Variants in AKR1B15 observed in about 807,000 individuals in gnomAD.
AKR1B15 encodes the protein estradiol 17-beta-dehydrogenase AKR1B15.
AKR1B15 carries 49 observed loss-of-function variants against 38.5 expected under a neutral mutation model. That is an observed-to-expected ratio of 1.27 (90% CI 1.01 to 1.62). The LOEUF is 1.62. Among genes scored for constraint, AKR1B15 ranks in the 40% most tolerant of loss-of-function variants. AKR1B15 has a pLI of 0.00. For missense variants in AKR1B15, 411 were observed against 381.6 expected (o/e 1.08, Z -0.64); for synonymous variants, 137 against 135.5 (o/e 1.01, Z -0.08).
intron 5 of AKR1B15, chr7:134,570,507 G>C (rs1794646188): frequency 6.6e-6 from 1 of 152,128 alleles, no homozygotes; most frequent in African/African-American, 2.4e-5. Context: ...GCCGAAACGT[G>C]ATGTCTCCCC....
intron 10 of AKR1B15, among the ~76,000 whole-genome samples, chr7:134,577,332 T>C (rs1255401363): frequency 1.3e-5 from 2 of 152,176 alleles, no homozygotes; most frequent in African/African-American, 4.8e-5. Context: ...AGCTAGGCCC[T>C]AGGCCATACA....
chr7:134,577,156 C>A, intron 10 of AKR1B15, 110 bp downstream of exon 10: 1 of 1,112,398 alleles, frequency 9.0e-7, no homozygotes, highest in Non-Finnish European at 1.3e-6. Context: ...CCCCCTCCTT[C>A]CCCACCACCC....
At chr7:134,553,274 G>A (rs897075822) in intron 1 of AKR1B15, among the ~76,000 whole-genome samples, 5 of 152,196 alleles carry the variant, frequency 3.3e-5, no homozygotes, top group African/African-American at 9.7e-5. Context: ...GGAATACCCC[G>A]CTGGTTTGGA....
rs1371126128 is a variant in AKR1B15, at chr7:134,568,241, G to A, written c.234G>A (p.Glu78=). The A allele has an allele frequency of 6.2e-7, 1 of 1,614,008 alleles. No homozygotes were observed. The highest frequency in any genetic ancestry group is 1.7e-5 in the Admixed American group (1 of 60,000). ...YRHIDCAYFY[E]NQHEVGEAIQ... ...ACATTGACTGTGCCTATTTCTATGA[G>A]AATCAACATGAGGTGGGAGAAGCCA... The change falls in exon 4 of 12, where the codon GAG becomes GAA. Residue 78 remains glutamate, a synonymous_variant. Transcript: ENST00000457545.
intron 2 of AKR1B15, among the ~76,000 whole-genome samples, chr7:134,563,590 G>C (rs1450663850): frequency 6.6e-6 from 1 of 152,198 alleles, no homozygotes; most frequent in Non-Finnish European, 1.5e-5. Flanking sequence ...AAGCCACCTG[G>C]ACTTCCTGGG....
chr7:134,566,498 A>T (rs917231403), intron 3 of AKR1B15, among the ~76,000 whole-genome samples: 1 of 152,194 alleles, frequency 6.6e-6, no homozygotes, highest in African/African-American at 2.4e-5. Context: ...GCTAAGGCAC[A>T]TTGAGGACTC....
chr7:134,552,871 T>C (rs1794036546), intron 1 of AKR1B15, among the ~76,000 whole-genome samples: 1 of 152,146 alleles, frequency 6.6e-6, no homozygotes, highest in Non-Finnish European at 1.5e-5. Context: ...CCCACCCTTT[T>C]TAGGGAAGCC....
intron 1 of AKR1B15, among the ~76,000 whole-genome samples, chr7:134,551,801 C>A (rs1407460148): frequency 6.6e-6 from 1 of 152,144 alleles, no homozygotes; most frequent in African/African-American, 2.4e-5. Flanking sequence ...GTGCTTCTTG[C>A]AAGCAGATTG....
At chr7:134,556,374 G>C (rs940809190) in intron 1 of AKR1B15, among the ~76,000 whole-genome samples, 1 of 152,098 alleles carries the variant, frequency 6.6e-6, no homozygotes, top group Non-Finnish European at 1.5e-5. Context: ...ATATTATGTT[G>C]GATTAGGAGT....
intron 11 of AKR1B15, among the ~76,000 whole-genome samples, chr7:134,579,303 G>T (rs1453104597): frequency 6.6e-6 from 1 of 152,060 alleles, no homozygotes; most frequent in Non-Finnish European, 1.5e-5. Flanking sequence ...CTGCTGCCCT[G>T]CTCACTGTCT....
chr7:134,579,767 C>A lies in AKR1B15; in HGVS notation c.*218C>A, dbSNP rs1357037077. ...AAGCATGGCCTGAATAAGCAAATGA[C>A]AATTTTTTCCACTTATCTGATCTGA... On this transcript the variant is annotated 3_prime_UTR_variant, in exon 12 of 12. Coordinates refer to ENST00000457545, the MANE Select transcript of AKR1B15 (RefSeq NM_001080538.3). 12 of 492,968 alleles carry A rather than the reference C, an allele frequency of 2.4e-5. No individual in the cohort carries two copies. In the East Asian group the frequency reaches 3.9e-4, roughly 16 times the overall value. 30.5% of individuals were successfully genotyped at this position (492,968 alleles called of 1,614,324 possible). A position where few individuals can be genotyped will look rare whatever the true frequency, so the allele number is the denominator to read the frequency against.
intron 5 of AKR1B15, 30 bp downstream of exon 5, chr7:134,569,559 G>A (rs1446673827): frequency 6.2e-7 from 1 of 1,611,058 alleles, no homozygotes; most frequent in African/African-American, 1.3e-5. Context: ...TCAGCCTCTA[G>A]TTTCTGAGCT....
At chr7:134,557,577 C>T (rs899257872) in intron 2 of AKR1B15, among the ~76,000 whole-genome samples, 27 of 151,578 alleles carry the variant, frequency 1.8e-4, no homozygotes, top group African/African-American at 6.1e-4. Context: ...TGGGAACGCA[C>T]TCGGTTGACG....
rs769130202 is a variant in AKR1B15, at chr7:134,575,505, A to G, written c.599A>G (p.Asn200Ser). The G allele has an allele frequency of 3.1e-6, 5 of 1,613,930 alleles. No homozygotes were observed. The highest frequency in any genetic ancestry group is 4.2e-6 in the Non-Finnish European group (5 of 1,179,830). ...FNHFQIERLL[N>S]KPGLKYKPVT... ...CACTTCCAGATCGAGAGGCTCTTGA[A>G]CAAACCTGGACTGAAATATAAACCA... The change falls in exon 7 of 12, where the codon AAC becomes AGC. Residue 200 changes from asparagine to serine, a missense_variant. Asn to Ser is a conservative substitution (Grantham distance 46). Around this residue, in one of 3 missense-constraint regions of AKR1B15, gnomAD observed 254 missense variants for 212.4 expected, o/e 1.20. Coordinates refer to ENST00000457545, the MANE Select transcript of AKR1B15 (RefSeq NM_001080538.3).
intron 3 of AKR1B15, 165 bp downstream of exon 3, chr7:134,564,934 G>A: frequency 2.1e-6 from 1 of 466,480 alleles, no homozygotes; most frequent in South Asian, 3.7e-5. Flanking sequence ...TCAGTGCTCT[G>A]TGTCTAGCTA....
chr7:134,565,169 G>A (rs1009458807), intron 3 of AKR1B15: 7 of 350,872 alleles, frequency 2.0e-5, no homozygotes, highest in South Asian at 4.7e-5. Flanking sequence ...CCCTCTTGAC[G>A]AAAAATCTTG....
At chr7:134,567,445 T>C (rs768252489) in intron 3 of AKR1B15, among the ~76,000 whole-genome samples, 9 of 152,168 alleles carry the variant, frequency 5.9e-5, no homozygotes, top group Non-Finnish European at 1.2e-4. Flanking sequence ...AAAATGATCA[T>C]TGTATAATGG....
At chr7:134,575,391 T>G (rs1362390622) in intron 6 of AKR1B15, 29 bp from the exon 7 acceptor site, 2 of 1,612,272 alleles carry the variant, frequency 1.2e-6, no homozygotes, top group Non-Finnish European at 1.7e-6. Flanking sequence ...CCTCTAGAGC[T>G]GCCCATAAGG....
chr7:134,556,468 T>C (rs191967254), intron 1 of AKR1B15, among the ~76,000 whole-genome samples: 1 of 152,210 alleles, frequency 6.6e-6, no homozygotes, highest in Admixed American at 6.5e-5. Context: ...GGGAATGCCT[T>C]CTGTCTAATT....
Sources: gnomAD v4.1 joint callset for allele counts (sites outside exome capture counted in the v4.1 genomes callset) on GRCh38, gnomAD v4.1.1 for gene constraint, gnomAD v4.1.1 regional missense constraint, MANE v1.5 for transcripts, NCBI Gene and HGNC (gene_info 2026-07-23, HGNC 2026-07-21) for gene names.